The following GRIK2 variants were observed in gnomAD, a reference collection of about 807,000 sequenced individuals.
GRIK2 encodes glutamate ionotropic receptor kainate type subunit 2.
A neutral mutation model predicts 100.3 loss-of-function variants in GRIK2; 32 were observed. That is an observed-to-expected ratio of 0.32 (90% CI 0.24 to 0.43). The LOEUF (loss-of-function observed/expected upper bound fraction) is 0.43. GRIK2 is among the 20% of genes least tolerant of loss of function. The pLI is 1.00. For synonymous variants in GRIK2, 417 were observed against 389.4 expected (o/e 1.07, Z -0.83); for missense variants, 843 against 1,114.9 (o/e 0.76, Z 3.47).
chr6:101,559,037 C>T (rs1776873408), intron 2 of GRIK2, among the ~76,000 whole-genome samples: 1 of 152,128 alleles, frequency 6.6e-6, no homozygotes, highest in Non-Finnish European at 1.5e-5. Context: ...TTTACTTCCT[C>T]TGTCTAGATG....
intron 2 of GRIK2, among the ~76,000 whole-genome samples, chr6:101,547,355 C>T (rs1173588747): frequency 6.6e-6 from 1 of 151,884 alleles, no homozygotes; most frequent in Non-Finnish European, 1.5e-5. Flanking sequence ...TTTTAGGGTA[C>T]ATATGCACAA....
At chr6:101,640,279 A>G (rs760471225) in intron 4 of GRIK2, among the ~76,000 whole-genome samples, 7 of 152,156 alleles carry the variant, frequency 4.6e-5, no homozygotes, top group Non-Finnish European at 1.0e-4. Context: ...ACATTTACCA[A>G]TATCTCTGGT....
chr6:101,548,571 A>G lies in GRIK2; in HGVS notation c.116-73378A>G, dbSNP rs530872814. Reference sequence around the variant, plus strand: ...CAGTTTTCCCAGCACCATTTATTAAATAGGGAATCCTTTCCTCGTTTCTCG... The same window carrying G: ...CAGTTTTCCCAGCACCATTTATTAAGTAGGGAATCCTTTCCTCGTTTCTCG... On this transcript the variant is annotated intron_variant, in intron 2 of 16. Coordinates refer to ENST00000369134, the MANE Select transcript of GRIK2 (RefSeq NM_021956.5). Among the ~76,000 whole-genome samples, 142 of 152,354 alleles carry G rather than the reference A, an allele frequency of 9.3e-4. 2 individuals are homozygous for G. The highest frequency in any genetic ancestry group is 7.0e-3 in the South Asian group (34 of 4,828).
rs1015507754 is a variant in GRIK2, at chr6:101,926,606, C to T, written c.1868-1809C>T. 4.6e-5 allele frequency among the ~76,000 whole-genome samples: 7 copies of T among 152,184 alleles called. No homozygotes were observed. In the South Asian group the frequency reaches 8.3e-4, roughly 18 times the overall value. On this transcript the variant is annotated intron_variant, in intron 13 of 16. Transcript: ENST00000369134. ...ATGTTATTATCTCTGAAGATAATGACAAGCAATTCAAGCAATGAAAAATTC... is the reference window on the plus strand; with the variant it reads ...ATGTTATTATCTCTGAAGATAATGATAAGCAATTCAAGCAATGAAAAATTC...
chr6:101,419,014 C>G (rs1188746579), intron 2 of GRIK2, among the ~76,000 whole-genome samples: 1 of 152,124 alleles, frequency 6.6e-6, no homozygotes, highest in African/African-American at 2.4e-5. Context: ...AGAGGTGTAT[C>G]TTAACTCTGC....
At chr6:101,950,696 A>AT (rs1264932047) in intron 14 of GRIK2, among the ~76,000 whole-genome samples, 1 of 151,204 alleles carries the variant, frequency 6.6e-6, no homozygotes, top group Non-Finnish European at 1.5e-5. Flanking sequence ...TTTGTTTTTC[A>AT]TTTTTTTCTT....
chr6:101,809,801 A>G (rs1308743346), intron 9 of GRIK2, among the ~76,000 whole-genome samples: 1 of 152,068 alleles, frequency 6.6e-6, no homozygotes, highest in Non-Finnish European at 1.5e-5. Context: ...TCTAACTCTT[A>G]TATAGAATTC....
At chr6:101,399,710 G>T (rs1340018762) in intron 2 of GRIK2, among the ~76,000 whole-genome samples, 2 of 152,166 alleles carry the variant, frequency 1.3e-5, no homozygotes, top group Non-Finnish European at 2.9e-5. Context: ...CTCCCCCGGC[G>T]CCCTGCGAGC....
At position 101,676,782 on chromosome 6, in the gene GRIK2, T is replaced by A; in HGVS notation, c.701T>A (p.Met234Lys). ...FHVIFDCSHE[M>K]AAGILKQALA... ...GTAATCTTTGATTGTAGCCATGAAA[T>A]GGCAGCAGGCATTTTAAAACAGGTA... is the stretch of plus-strand genomic sequence containing the variant. Residue 234 changes from methionine (M) to lysine (K), a missense_variant, in exon 5 of 17, where the codon ATG becomes AAG. Transcript: ENST00000369134. 6.2e-7 allele frequency: 1 copy of A among 1,603,504 alleles called. No homozygotes were observed. Among genetic ancestry groups the A allele is most frequent in the South Asian group, 1.1e-5 (1 of 88,810 alleles).
chr6:102,033,005 C>T (rs1232632281), intron 14 of GRIK2, among the ~76,000 whole-genome samples: 1 of 151,178 alleles, frequency 6.6e-6, no homozygotes, highest in Non-Finnish European at 1.5e-5. Flanking sequence ...TGTAGGAAAT[C>T]TTCCCATGTT....
chr6:101,412,905 C>T (rs934539558), intron 2 of GRIK2, among the ~76,000 whole-genome samples: 3 of 151,930 alleles, frequency 2.0e-5, no homozygotes, highest in African/African-American at 7.2e-5. Flanking sequence ...AATAATAATT[C>T]ATTTATTTTC....
At chr6:101,884,280 A>T (rs996006986) in intron 11 of GRIK2, among the ~76,000 whole-genome samples, 15 of 152,158 alleles carry the variant, frequency 9.9e-5, no homozygotes, top group African/African-American at 3.4e-4. Flanking sequence ...GTATGAACTT[A>T]CTACTTTAAT....
At chr6:101,732,212 G>A (rs945092735) in intron 7 of GRIK2, among the ~76,000 whole-genome samples, 49 of 151,176 alleles carry the variant, frequency 3.2e-4, no homozygotes, top group Admixed American at 3.2e-3. Context: ...CTAGTCCTTT[G>A]GGATGATGTC....
intron 2 of GRIK2, among the ~76,000 whole-genome samples, chr6:101,603,205 G>A (rs1779301705): frequency 6.6e-6 from 1 of 151,604 alleles, no homozygotes; most frequent in Admixed American, 6.6e-5. Flanking sequence ...TACACCCACA[G>A]TATCAACTGA....
chr6:101,690,436 T>C (rs1772011470), intron 7 of GRIK2, among the ~76,000 whole-genome samples: 1 of 152,162 alleles, frequency 6.6e-6, no homozygotes, highest in Admixed American at 6.6e-5. Flanking sequence ...ACTGTATCAA[T>C]ATTTTTCTTA....
In GRIK2 at chr6:102,014,628, G is replaced by T. The variant is rs1795734447; in HGVS notation, c.2086-20713G>T. On this transcript the variant is annotated intron_variant, in intron 14 of 16. Transcript: ENST00000369134. Reference sequence around the variant, plus strand: ...TTCTGTGTCCCAGAAATTCTGGCATGTTATATCTTTGTTCTCATTCATTTC... The same window carrying T: ...TTCTGTGTCCCAGAAATTCTGGCATTTTATATCTTTGTTCTCATTCATTTC... 2.6e-5 allele frequency among the ~76,000 whole-genome samples: 4 copies of T among 152,048 alleles called. No homozygotes were observed. The South Asian group carries it at 8.3e-4, about 32-fold the overall frequency.
intron 4 of GRIK2, among the ~76,000 whole-genome samples, chr6:101,673,382 C>A (rs771164358): frequency 3.9e-5 from 6 of 152,138 alleles, no homozygotes; most frequent in Non-Finnish European, 8.8e-5. Flanking sequence ...TCTCATCGGT[C>A]CTCCATAATC....
intron 14 of GRIK2, among the ~76,000 whole-genome samples, chr6:101,959,385 A>C (rs2852602): frequency 6.6e-5 from 10 of 152,148 alleles, no homozygotes; most frequent in Admixed American, 3.3e-4. Flanking sequence ...TGATACTCAT[A>C]GCAGTCTTTG....
chr6:101,671,619 A>G (rs1302527511), intron 4 of GRIK2, among the ~76,000 whole-genome samples: 6 of 152,192 alleles, frequency 3.9e-5, no homozygotes, highest in Admixed American at 3.9e-4. Context: ...TAATCCCAGC[A>G]CTTTGGGAGG....
Sources: gnomAD v4.1 joint callset for allele counts (sites outside exome capture counted in the v4.1 genomes callset) on GRCh38, gnomAD v4.1.1 for gene constraint, MANE v1.5 for transcripts, NCBI Gene and HGNC (gene_info 2026-07-23, HGNC 2026-07-21) for gene names.